Variants in ARHGAP22 observed in about 807,000 individuals in gnomAD.
ARHGAP22 encodes Rho GTPase activating protein 22.
A neutral mutation model predicts 59.1 loss-of-function variants in ARHGAP22; 48 were observed. That is an observed-to-expected ratio of 0.81 (90% CI 0.64 to 1.03). The LOEUF is 1.03. Among genes scored for constraint, ARHGAP22 ranks in the 50% least tolerant of loss-of-function variants. The pLI, the probability that ARHGAP22 is intolerant of heterozygous loss-of-function variation, is 0.00. For missense variants in ARHGAP22, 1,015 were observed against 958.7 expected (o/e 1.06, Z -0.78); for synonymous variants, 445 against 416.4 (o/e 1.07, Z -0.84).
intron 3 of ARHGAP22, among the ~76,000 whole-genome samples, chr10:48,533,119 C>T (rs923483947): frequency 4.6e-5 from 7 of 151,994 alleles, no homozygotes; most frequent in African/African-American, 9.7e-5. Flanking sequence ...CCCCTGTCCC[C>T]GTACTGACCC....
chr10:48,621,900 T>G (rs1298862556), intron 1 of ARHGAP22, among the ~76,000 whole-genome samples: 2 of 152,224 alleles, frequency 1.3e-5, no homozygotes, highest in Non-Finnish European at 2.9e-5. Context: ...TATATTATCC[T>G]TCTTTCTCTT....
chr10:48,616,497 A>T (rs1289797898), intron 1 of ARHGAP22, among the ~76,000 whole-genome samples: 1 of 152,168 alleles, frequency 6.6e-6, no homozygotes, highest in Non-Finnish European at 1.5e-5. Flanking sequence ...ACCTCAATGA[A>T]TCCCACATAG....
At chr10:48,517,346 G>A (rs935814716) in intron 3 of ARHGAP22, among the ~76,000 whole-genome samples, 2 of 152,194 alleles carry the variant, frequency 1.3e-5, no homozygotes, top group African/African-American at 4.8e-5. Flanking sequence ...ATAAGCATTA[G>A]CTACATAGCT....
Position 48,504,295 on chromosome 10 carries a change from G to C in ARHGAP22, c.323-24531C>G, listed in dbSNP as rs910473659. On this transcript the variant is annotated intron_variant, in intron 3 of 9. Transcript: ENST00000249601. ...TGCAGGAAACCTGAAGGGCAGGGAG[G>C]CTGATTCTTCCAGTGAGACCACAGG... is the stretch of plus-strand genomic sequence containing the variant. Among the ~76,000 whole-genome samples, 3 of 152,228 alleles carry C rather than the reference G, an allele frequency of 2.0e-5. No homozygotes were observed. In the South Asian group the frequency reaches 6.2e-4, roughly 32 times the overall value.
At chr10:48,469,718 A>T (rs1432380283) in intron 4 of ARHGAP22, among the ~76,000 whole-genome samples, 4 of 152,088 alleles carry the variant, frequency 2.6e-5, no homozygotes, top group Non-Finnish European at 5.9e-5. Context: ...TCCAGATTGT[A>T]CCAAACTCCT....
chr10:48,639,662 T>C (rs1398875155), intron 1 of ARHGAP22, among the ~76,000 whole-genome samples: 4 of 152,176 alleles, frequency 2.6e-5, no homozygotes, highest in Admixed American at 6.5e-5. Context: ...CTATGTTCTG[T>C]GAGGGAGACA....
At position 48,446,371 on chromosome 10, in the gene ARHGAP22, A is replaced by G. The variant is rs745671942; in HGVS notation, c.*20T>C. 11 of 1,612,788 alleles carry G rather than the reference A, an allele frequency of 6.8e-6. No individual in the cohort carries two copies. In the African/African-American group the frequency reaches 8.0e-5, roughly 12 times the overall value. ...TGGAGACCAGCAGACGTGGTACAGA[A>G]GTGAGCTCTGCCATTCCTTTTACTT... On this transcript the variant is annotated 3_prime_UTR_variant, in exon 10 of 10. Transcript: ENST00000249601.
chr10:48,497,908 C>G (rs2051107808), intron 3 of ARHGAP22, among the ~76,000 whole-genome samples: 1 of 152,146 alleles, frequency 6.6e-6, no homozygotes, highest in African/African-American at 2.4e-5. Flanking sequence ...AGGGTCCTCC[C>G]AGCAGGCCTG....
At chr10:48,587,327 C>A (rs915976474) in intron 1 of ARHGAP22, among the ~76,000 whole-genome samples, 1 of 152,186 alleles carries the variant, frequency 6.6e-6, no homozygotes, top group East Asian at 1.9e-4. Flanking sequence ...CCCCTGGGCT[C>A]GAGAGGAGTC....
intron 3 of ARHGAP22, among the ~76,000 whole-genome samples, chr10:48,553,907 A>G (rs1166655266): frequency 6.6e-6 from 1 of 152,114 alleles, no homozygotes; most frequent in African/African-American, 2.4e-5. Flanking sequence ...GCCTTGAGTC[A>G]CTACCCCTGT....
chr10:48,587,512 T>C (rs2059500545), intron 1 of ARHGAP22, among the ~76,000 whole-genome samples: 1 of 151,360 alleles, frequency 6.6e-6, no homozygotes, highest in African/African-American at 2.4e-5. Context: ...ATTCCTACCA[T>C]GAGACTTGGC....
intron 8 of ARHGAP22, chr10:48,451,734 G>T: frequency 3.4e-6 from 2 of 585,950 alleles, no homozygotes; most frequent in Non-Finnish European, 6.0e-6. Flanking sequence ...CACACAACTG[G>T]ACAATGCACC....
intron 2 of ARHGAP22, among the ~76,000 whole-genome samples, chr10:48,564,034 A>G (rs1202662201): frequency 1.3e-5 from 2 of 152,238 alleles, no homozygotes; most frequent in Non-Finnish European, 2.9e-5. Flanking sequence ...ATGACCATGC[A>G]ACAGGAAGAG....
chr10:48,485,031 C>G (rs2134143404), intron 3 of ARHGAP22, among the ~76,000 whole-genome samples: 1 of 152,318 alleles, frequency 6.6e-6, no homozygotes, highest in Non-Finnish European at 1.5e-5. Flanking sequence ...TACTCTGCCA[C>G]TATAGTGCAA....
intron 3 of ARHGAP22, among the ~76,000 whole-genome samples, chr10:48,503,874 T>C (rs998469840): frequency 1.3e-5 from 2 of 152,252 alleles, no homozygotes; most frequent in Non-Finnish European, 2.9e-5. Flanking sequence ...CCGAGCAATG[T>C]GGCCTAATAG....
intron 2 of ARHGAP22, among the ~76,000 whole-genome samples, chr10:48,568,947 G>C (rs1195811674): frequency 6.6e-6 from 1 of 152,212 alleles, no homozygotes; most frequent in African/African-American, 2.4e-5. Flanking sequence ...TGGGAGCGCT[G>C]GTGCTGTCCT....
At chr10:48,569,135 T>A (rs937560043) in intron 2 of ARHGAP22, among the ~76,000 whole-genome samples, 1 of 152,224 alleles carries the variant, frequency 6.6e-6, no homozygotes, top group Non-Finnish European at 1.5e-5. Flanking sequence ...AGTGCTATGC[T>A]CTGGGGTATA....
chr10:48,606,482 A>T (rs1359671384), upstream of ARHGAP22, among the ~76,000 whole-genome samples: 1 of 152,212 alleles, frequency 6.6e-6, no homozygotes, highest in Non-Finnish European at 1.5e-5. Flanking sequence ...GGGATGAATG[A>T]GTACCTTGGC....
At chr10:48,483,200 A>G (rs969709213) in intron 3 of ARHGAP22, among the ~76,000 whole-genome samples, 3 of 152,098 alleles carry the variant, frequency 2.0e-5, no homozygotes, top group Admixed American at 6.6e-5. Context: ...GGTTGATTCC[A>G]TATCTTTGCT....
Sources: gnomAD v4.1 joint callset for allele counts (sites outside exome capture counted in the v4.1 genomes callset) on GRCh38, gnomAD v4.1.1 for gene constraint, MANE v1.5 for transcripts, NCBI Gene and HGNC (gene_info 2026-07-23, HGNC 2026-07-21) for gene names.